Variants in CNOT2 observed in about 807,000 individuals in gnomAD.
CNOT2 encodes the protein CCR4-NOT transcription complex subunit 2, also known as CC chemokine receptor 4-negative regulator of transcription 2.
A neutral mutation model predicts 72.1 loss-of-function variants in CNOT2; 7 were observed. The observed-to-expected ratio is 0.10, with a 90% CI of 0.06 to 0.18. The LOEUF (loss-of-function observed/expected upper bound fraction) is 0.18. CNOT2 is among the 10% of genes least tolerant of loss of function. The pLI is 1.00. For missense variants in CNOT2, 345 were observed against 660.3 expected (o/e 0.52, Z 5.23); for synonymous variants, 196 against 225.6 (o/e 0.87, Z 1.17).
chr12:70,329,636 T>C (rs1879629265), intron 5 of CNOT2, 66 bp downstream of exon 5: 3 of 1,166,998 alleles, frequency 2.6e-6, no homozygotes, highest in Non-Finnish European at 3.9e-6. Flanking sequence ...ACTTTTAGTT[T>C]TTTAATAAGG....
At chr12:70,261,615 C>T (rs1958768093) in intron 1 of CNOT2, among the ~76,000 whole-genome samples, 1 of 151,814 alleles carries the variant, frequency 6.6e-6, no homozygotes, top group African/African-American at 2.4e-5. Flanking sequence ...CACGCCTGGC[C>T]AGTTTTTGTG....
intron 6 of CNOT2, chr12:70,330,983 A>G (rs1442456882): frequency 6.6e-6 from 1 of 152,102 alleles, no homozygotes; most frequent in Non-Finnish European, 1.5e-5. Flanking sequence ...GGGTTTTTGT[A>G]CTTTTTCACT....
intron 8 of CNOT2, 170 bp downstream of exon 8, chr12:70,335,733 CT>C (rs1317021733): frequency 2.2e-6 from 1 of 446,010 alleles, no homozygotes; most frequent in African/African-American, 2.0e-5. Flanking sequence ...AGTGATTTTT[CT>C]TCCCAGAATA....
At chr12:70,334,264 G>C (rs1368661119) in intron 7 of CNOT2, among the ~76,000 whole-genome samples, 1 of 151,962 alleles carries the variant, frequency 6.6e-6, no homozygotes, top group Admixed American at 6.6e-5. Flanking sequence ...AATTTCTACT[G>C]TCTTATTCAG....
At chr12:70,290,073 G>A (rs1871618539) in intron 2 of CNOT2, among the ~76,000 whole-genome samples, 1 of 151,758 alleles carries the variant, frequency 6.6e-6, no homozygotes, top group Admixed American at 6.6e-5. Flanking sequence ...CAGAACCAGA[G>A]TAATCTTTAG....
chr12:70,278,284 GTCTT>G lies in CNOT2; in HGVS notation c.48+15_48+18del. On this transcript the variant is annotated intron_variant, in intron 2 of 15. Coordinates refer to ENST00000229195, the MANE Select transcript of CNOT2 (RefSeq NM_014515.7). ...GAAAAGAAACTACCAGGTAAGACCA[GTCTT>G]TCTTCTTTTTTCTCTATTGGTCTTA... 1 of 1,589,346 alleles carries G rather than the reference GTCTT, an allele frequency of 6.3e-7. No individual in the cohort carries two copies. Among genetic ancestry groups the G allele is most frequent in the South Asian group, 1.1e-5 (1 of 90,560 alleles).
chr12:70,298,953 T>G (rs1400520555), intron 2 of CNOT2, among the ~76,000 whole-genome samples: 2 of 152,114 alleles, frequency 1.3e-5, no homozygotes, highest in African/African-American at 4.8e-5. Flanking sequence ...GGAAGAAGAA[T>G]AGATTAATAA....
intron 2 of CNOT2, among the ~76,000 whole-genome samples, chr12:70,291,129 A>G (rs1871826742): frequency 6.6e-6 from 1 of 152,184 alleles, no homozygotes; most frequent in African/African-American, 2.4e-5. Flanking sequence ...TTCCCTTAAG[A>G]TTCCCTAGAA....
chr12:70,325,763 A>G (rs370614689), intron 4 of CNOT2, among the ~76,000 whole-genome samples: 2 of 151,832 alleles, frequency 1.3e-5, no homozygotes, highest in East Asian at 3.9e-4. Context: ...GTGAGTTCCT[A>G]GAGGAAGCTG....
intron 2 of CNOT2, among the ~76,000 whole-genome samples, chr12:70,288,136 C>CTTTTTTTTTTTTTTTT (rs68143994): frequency 2.3e-5 from 2 of 86,668 alleles, no homozygotes; most frequent in Non-Finnish European, 2.2e-5. Flanking sequence ...TGGTGTAGCT[C>CTTTTTTTTTTTTTTTT]TTTTTTTTTT....
At chr12:70,331,583 A>C (rs924552102) in intron 6 of CNOT2, 4 of 151,826 alleles carry the variant, frequency 2.6e-5, no homozygotes, top group Admixed American at 6.6e-5. Flanking sequence ...TATTTCTACT[A>C]TTGACAGATT....
chr12:70,308,584 TCA>T (rs58837695), intron 2 of CNOT2, among the ~76,000 whole-genome samples: 77 of 133,294 alleles, frequency 5.8e-4, no homozygotes, highest in African/African-American at 8.2e-4. Context: ...TCTCTCTCTC[TCA>T]CACACACACA....
intron 1 of CNOT2, among the ~76,000 whole-genome samples, chr12:70,275,280 A>T (rs1868581426): frequency 6.6e-6 from 1 of 151,650 alleles, no homozygotes; most frequent in Non-Finnish European, 1.5e-5. Context: ...CTGCTTTAAG[A>T]TTCTTGTTTA....
intron 1 of CNOT2, among the ~76,000 whole-genome samples, chr12:70,274,506 A>G (rs1004833687): frequency 6.6e-6 from 1 of 152,044 alleles, no homozygotes; most frequent in African/African-American, 2.4e-5. Context: ...TGAGTATGGT[A>G]ATGACTACCA....
At chr12:70,337,368 C>T (rs767025113) in intron 8 of CNOT2, 21 bp from the exon 9 acceptor site, 44 of 1,590,192 alleles carry the variant, frequency 2.8e-5, no homozygotes, top group East Asian at 6.7e-5. Context: ...TGCAATTCTC[C>T]GGATTATTTT....
chr12:70,316,879 G>C (rs780981113), intron 3 of CNOT2, among the ~76,000 whole-genome samples: 1 of 152,154 alleles, frequency 6.6e-6, no homozygotes, highest in East Asian at 1.9e-4. Flanking sequence ...TGTATAATCA[G>C]TGTGAGAAAG....
At chr12:70,269,200 C>G (rs1959172820) in intron 1 of CNOT2, among the ~76,000 whole-genome samples, 1 of 151,916 alleles carries the variant, frequency 6.6e-6, no homozygotes, top group Admixed American at 6.6e-5. Context: ...TGTATGAGAC[C>G]TTGAACAAGG....
rs190359844 is a variant in CNOT2, at chr12:70,300,989, A to C, written c.49-9906A>C. 3.6e-3 allele frequency among the ~76,000 whole-genome samples: 547 copies of C among 152,206 alleles called. 2 individuals carry two copies. Among genetic ancestry groups the C allele is most frequent in the Non-Finnish European group, 5.1e-3 (345 of 68,024 alleles). On this transcript the variant is annotated intron_variant, in intron 2 of 15. Transcript: ENST00000229195. ...TTTATTCTCTTTGAAGCAATTGTGA[A>C]TGGGAGTTCTTTCATGATTTGGCTC...
chr12:70,341,481 G>A (rs1214146085), intron 11 of CNOT2, among the ~76,000 whole-genome samples: 6 of 152,112 alleles, frequency 3.9e-5, no homozygotes, highest in African/African-American at 1.4e-4. Context: ...TATGCATCCA[G>A]TCTCCCCTCC....
Sources: gnomAD v4.1 joint callset for allele counts (sites outside exome capture counted in the v4.1 genomes callset) on GRCh38, gnomAD v4.1.1 for gene constraint, MANE v1.5 for transcripts, NCBI Gene and HGNC (gene_info 2026-07-23, HGNC 2026-07-21) for gene names.